MICU2: variants seen among roughly 807,000 people sequenced by gnomAD.
The protein encoded by MICU2 is mitochondrial calcium uptake 2.
A neutral mutation model predicts 60.4 loss-of-function variants in MICU2; 64 were observed. The observed-to-expected ratio is 1.06, with a 90% CI of 0.87 to 1.31. The LOEUF is 1.31. Ranked by LOEUF, MICU2 falls within the 50% of genes most tolerant of loss-of-function variation. MICU2 has a pLI of 0.00. For missense variants in MICU2, 569 were observed against 531.0 expected (o/e 1.07, Z -0.70); for synonymous variants, 201 against 175.0 (o/e 1.15, Z -1.17).
chr13:21,520,062 G>C (rs1253880095), intron 6 of MICU2, among the ~76,000 whole-genome samples: 1 of 152,140 alleles, frequency 6.6e-6, no homozygotes, highest in African/African-American at 2.4e-5. Context: ...GCTTTTAGTA[G>C]GTAAGTCCCC....
chr13:21,557,369 G>C (rs1040046539), intron 2 of MICU2, among the ~76,000 whole-genome samples: 1 of 152,172 alleles, frequency 6.6e-6, no homozygotes, highest in African/African-American at 2.4e-5. Context: ...AGATAAGCTA[G>C]GTCTCAAAGC....
Position 21,510,037 on chromosome 13 carries a change from C to T in MICU2, c.728G>A (p.Gly243Glu). 1 of 1,542,196 alleles carries T rather than the reference C, an allele frequency of 6.5e-7. No individual in the cohort carries two copies. The highest frequency in any genetic ancestry group is 8.7e-7 in the Non-Finnish European group (1 of 1,150,606). ...TTCTTTATAATGAAGTTTTCTTTGT[C>T]CTCTTTTTCCAAAGAAACGCATCTG... ...TLQMRFFGKR[G>E]QRKLHYKEFR... Residue 243 changes from glycine (G) to glutamate (E), a missense_variant, in exon 8 of 12, where the codon GGA becomes GAA. Physicochemically the swap from Gly to Glu is moderately conservative, Grantham distance 98. Transcript: ENST00000382374.
chr13:21,539,504 T>C (rs909214887), intron 3 of MICU2, 127 bp from the exon 4 acceptor site: 62 of 1,294,878 alleles, frequency 4.8e-5, no homozygotes, highest in Non-Finnish European at 6.3e-5. Flanking sequence ...GGCTTCACTG[T>C]GTTAGCCAGG....
chr13:21,586,048 C>T (rs1218766604), intron 1 of MICU2, among the ~76,000 whole-genome samples: 1 of 152,146 alleles, frequency 6.6e-6, no homozygotes, highest in Non-Finnish European at 1.5e-5. Context: ...AATTAGCTGA[C>T]TCACTAGAAG....
chr13:21,569,810 T>C (rs967438711), intron 1 of MICU2, among the ~76,000 whole-genome samples: 2 of 151,200 alleles, frequency 1.3e-5, no homozygotes, highest in Non-Finnish European at 2.9e-5. Flanking sequence ...TTTGTCATCT[T>C]CGTTTTACAA....
intron 2 of MICU2, among the ~76,000 whole-genome samples, chr13:21,562,143 G>C (rs1887861088): frequency 6.6e-6 from 1 of 151,670 alleles, no homozygotes; most frequent in South Asian, 2.1e-4. Context: ...CCAAGTCTTT[G>C]CTATTGTGAA....
chr13:21,582,060 G>T (rs976908464), intron 1 of MICU2, among the ~76,000 whole-genome samples: 5 of 152,140 alleles, frequency 3.3e-5, no homozygotes, highest in Admixed American at 2.0e-4. Context: ...ATAAGTAAGT[G>T]GCCATCACAT....
chr13:21,530,772 C>T (rs1314367099), intron 4 of MICU2: 9 of 638,276 alleles, frequency 1.4e-5, no homozygotes, highest in African/African-American at 3.7e-5. Flanking sequence ...TACCCACCAC[C>T]GCCCCAGCAG....
chr13:21,575,391 A>T (rs1205231767), intron 1 of MICU2, among the ~76,000 whole-genome samples: 1 of 151,444 alleles, frequency 6.6e-6, no homozygotes, highest in Non-Finnish European at 1.5e-5. Context: ...TCTGTTTGAA[A>T]CAAAAAGTTT....
chr13:21,589,095 A>G (rs1888517927), intron 1 of MICU2, among the ~76,000 whole-genome samples: 1 of 152,216 alleles, frequency 6.6e-6, no homozygotes, highest in South Asian at 2.1e-4. Flanking sequence ...CATCATGATT[A>G]AAACTCAATG....
chr13:21,545,518 T>C (rs1566155110), intron 2 of MICU2, among the ~76,000 whole-genome samples: 1 of 151,900 alleles, frequency 6.6e-6, no homozygotes, highest in Admixed American at 6.6e-5. Flanking sequence ...CCATCTCTAC[T>C]AAAAAATACA....
At chr13:21,569,182 A>C (rs1374065547) in intron 1 of MICU2, among the ~76,000 whole-genome samples, 1 of 152,164 alleles carries the variant, frequency 6.6e-6, no homozygotes, top group African/African-American at 2.4e-5. Context: ...TGACCTCTGA[A>C]TTTGTCCGAC....
intron 2 of MICU2, among the ~76,000 whole-genome samples, chr13:21,562,741 T>C (rs1458895043): frequency 6.6e-6 from 1 of 152,224 alleles, no homozygotes; most frequent in Non-Finnish European, 1.5e-5. Context: ...GATCATCCAA[T>C]ATTGTGTTGC....
At chr13:21,526,822 CTACTA>C (rs1306263960) in intron 4 of MICU2, among the ~76,000 whole-genome samples, 2 of 149,768 alleles carry the variant, frequency 1.3e-5, no homozygotes, top group Admixed American at 6.6e-5. Flanking sequence ...AAAAAAAAAA[CTACTA>C]TGGTAGTTCG....
chr13:21,542,102 T>C (rs932605708), intron 2 of MICU2, among the ~76,000 whole-genome samples: 27 of 152,280 alleles, frequency 1.8e-4, no homozygotes, highest in Non-Finnish European at 3.1e-4. Context: ...CCTCTTTCTC[T>C]TCAGTTAATG....
At chr13:21,596,978 C>T (rs2138076156) in intron 1 of MICU2, among the ~76,000 whole-genome samples, 1 of 152,016 alleles carries the variant, frequency 6.6e-6, no homozygotes, top group Admixed American at 6.5e-5. Context: ...TGAGGTTTAC[C>T]AGTTGAAGCA....
intron 1 of MICU2, among the ~76,000 whole-genome samples, chr13:21,575,388 G>GA (rs1461594651): frequency 6.7e-6 from 1 of 148,418 alleles, no homozygotes; most frequent in Non-Finnish European, 1.5e-5. Context: ...GTCTCTGTTT[G>GA]AAACAAAAAG....
At chr13:21,506,364 C>G (rs1886292609) in intron 8 of MICU2, among the ~76,000 whole-genome samples, 1 of 152,172 alleles carries the variant, frequency 6.6e-6, no homozygotes, top group Non-Finnish European at 1.5e-5. Flanking sequence ...ACAACCTCAG[C>G]TCTAATGGGC....
chr13:21,578,374 C>T (rs139168658), intron 1 of MICU2, among the ~76,000 whole-genome samples: 1 of 152,242 alleles, frequency 6.6e-6, no homozygotes, highest in East Asian at 1.9e-4. Context: ...ACTACTCTAG[C>T]CCAGGAGTTT....
Sources: gnomAD v4.1 joint callset for allele counts (sites outside exome capture counted in the v4.1 genomes callset) on GRCh38, gnomAD v4.1.1 for gene constraint, MANE v1.5 for transcripts, NCBI Gene and HGNC (gene_info 2026-07-23, HGNC 2026-07-21) for gene names.